Variants in FER1L6 observed in about 807,000 individuals in gnomAD.
The protein encoded by FER1L6 is fer-1 like family member 6, also known as fer-1-like protein 6.
Under a neutral mutation model 219.2 loss-of-function variants are expected in FER1L6, and 177 were observed. The observed-to-expected ratio is 0.81, with a 90% CI of 0.71 to 0.91. The LOEUF (loss-of-function observed/expected upper bound fraction) is 0.91, where lower values mean the gene tolerates loss of function less well. FER1L6 is among the 40% of genes least tolerant of loss of function. FER1L6 has a pLI of 0.00. For synonymous variants in FER1L6, 768 were observed against 824.3 expected, an observed-to-expected ratio of 0.93 and a Z score of 1.17; for missense variants, 2,153 against 2,259.9, an observed-to-expected ratio of 0.95 and a Z score of 0.96.
At chr8:123,880,375 G>A (rs930816132) in intron 1 of FER1L6, among the ~76,000 whole-genome samples, 6 of 152,108 alleles carry the variant, frequency 3.9e-5, no homozygotes, top group Middle Eastern at 3.2e-3. Flanking sequence ...TATGTCCTCC[G>A]TCCACAGCAG....
intron 1 of FER1L6, among the ~76,000 whole-genome samples, chr8:123,935,233 T>C (rs932644865): frequency 3.9e-5 from 6 of 152,312 alleles, no homozygotes; most frequent in African/African-American, 1.4e-4. Context: ...TTATGGATTA[T>C]CTATTTAACA....
intron 13 of FER1L6, among the ~76,000 whole-genome samples, chr8:124,004,755 T>C (rs1817583318): frequency 6.6e-6 from 1 of 152,050 alleles, no homozygotes; most frequent in South Asian, 2.1e-4. Context: ...TCCCAGCACT[T>C]TGGGAGGCCG....
chr8:124,078,253 T>C (rs796159248), intron 32 of FER1L6, among the ~76,000 whole-genome samples: 8 of 152,186 alleles, frequency 5.3e-5, no homozygotes, highest in African/African-American at 1.9e-4. Context: ...GTCAGTGGGA[T>C]TTAATGGGGC....
At chr8:124,069,530 A>ACAGAACCTCATTGCT in intron 29 of FER1L6, 55 bp downstream of exon 29, 1 of 1,283,082 alleles carries the variant, frequency 7.8e-7, no homozygotes, top group Non-Finnish European at 1.1e-6. Flanking sequence ...CTCAGCAATG[A>ACAGAACCTCATTGCT]GGTTCTGTCA....
intron 3 of FER1L6, among the ~76,000 whole-genome samples, chr8:123,965,767 A>T (rs1267693131): frequency 6.6e-6 from 1 of 152,202 alleles, no homozygotes; most frequent in African/African-American, 2.4e-5. Flanking sequence ...AAACCTTTAT[A>T]TGCACTATAT....
intron 1 of FER1L6, among the ~76,000 whole-genome samples, chr8:123,905,300 C>T (rs147343222): frequency 9.9e-4 from 150 of 152,192 alleles, no homozygotes; most frequent in African/African-American, 3.4e-3. Context: ...TCTCATTGTT[C>T]GGCTCCCAGT....
At chr8:123,876,381 T>C (rs144235865) in intron 1 of FER1L6, among the ~76,000 whole-genome samples, 1 of 152,096 alleles carries the variant, frequency 6.6e-6, no homozygotes, top group South Asian at 2.1e-4. Flanking sequence ...TGCAGTGGCA[T>C]GATCACAGCT....
chr8:123,857,265 T>C (rs1003269208), intron 1 of FER1L6, among the ~76,000 whole-genome samples: 1 of 152,198 alleles, frequency 6.6e-6, no homozygotes, highest in Non-Finnish European at 1.5e-5. Flanking sequence ...ATCTCAGCAC[T>C]TTGGGAGGCC....
intron 1 of FER1L6, among the ~76,000 whole-genome samples, chr8:123,946,234 G>T (rs1456031448): frequency 6.6e-6 from 1 of 152,160 alleles, no homozygotes; most frequent in Non-Finnish European, 1.5e-5. Flanking sequence ...TCTGTTTAAT[G>T]AACAGGTTAG....
chr8:123,891,835 C>T (rs1192744941), intron 1 of FER1L6, among the ~76,000 whole-genome samples: 1 of 152,188 alleles, frequency 6.6e-6, no homozygotes, highest in Non-Finnish European at 1.5e-5. Flanking sequence ...CCAGAAATTA[C>T]AACCATTCAG....
intron 5 of FER1L6, among the ~76,000 whole-genome samples, chr8:123,967,102 T>A (rs1815577513): frequency 6.8e-6 from 1 of 147,076 alleles, no homozygotes; most frequent in South Asian, 2.1e-4. Context: ...AAAAAAAAAA[T>A]TACTTGGTGA....
chr8:123,888,241 C>T lies in FER1L6; in HGVS notation c.-8+36056C>T, dbSNP rs555043714. On this transcript the variant is annotated intron_variant, in intron 1 of 40. Coordinates refer to ENST00000522917, the MANE Select transcript of FER1L6 (RefSeq NM_001039112.2). Reference sequence around the variant, plus strand: ...AAGAAATTCTCATGCCTTAGCCTCCCGAGTAGCTGGGACTACAGGTGCATA... The same window carrying T: ...AAGAAATTCTCATGCCTTAGCCTCCTGAGTAGCTGGGACTACAGGTGCATA... 2.8e-4 allele frequency among the ~76,000 whole-genome samples: 43 copies of T among 152,100 alleles called. 1 individual carries two copies. Among genetic ancestry groups the T allele is most frequent in the South Asian group, 1.5e-3 (7 of 4,804 alleles).
chr8:123,974,684 A>AAATGTG (rs1815982232), intron 7 of FER1L6, among the ~76,000 whole-genome samples: 1 of 148,014 alleles, frequency 6.8e-6, no homozygotes, highest in African/African-American at 2.5e-5. Flanking sequence ...AAAAAAAAAG[A>AAATGTG]AATGTGAAGC....
chr8:123,866,081 GC>G (rs1238306541), intron 1 of FER1L6, among the ~76,000 whole-genome samples: 1 of 151,774 alleles, frequency 6.6e-6, no homozygotes, highest in African/African-American at 2.4e-5. Flanking sequence ...TGTGAATAAT[GC>G]CGCAATAAAC....
intron 1 of FER1L6, among the ~76,000 whole-genome samples, chr8:123,867,481 G>A (rs1380029702): frequency 6.6e-6 from 1 of 152,178 alleles, no homozygotes; most frequent in African/African-American, 2.4e-5. Flanking sequence ...GTAATAGCGA[G>A]TAAGAATGCT....
intron 1 of FER1L6, among the ~76,000 whole-genome samples, chr8:123,899,115 C>T (rs977125060): frequency 5.3e-5 from 8 of 152,148 alleles, no homozygotes; most frequent in African/African-American, 1.7e-4. Context: ...AGTTTACATT[C>T]CCACCAGAAG....
chr8:124,094,299 A>C (rs896270264), intron 34 of FER1L6, among the ~76,000 whole-genome samples: 1 of 152,020 alleles, frequency 6.6e-6, no homozygotes, highest in African/African-American at 2.4e-5. Flanking sequence ...TGATCTGTAG[A>C]TCTTTAGGAG....
intron 1 of FER1L6, among the ~76,000 whole-genome samples, chr8:123,926,733 T>C (rs370010105): frequency 1.4e-4 from 22 of 152,238 alleles, no homozygotes; most frequent in African/African-American, 5.1e-4. Flanking sequence ...GGAAGTTTTC[T>C]CTCAGTGTGG....
At chr8:123,976,961 G>C (rs1379977388) in intron 9 of FER1L6, among the ~76,000 whole-genome samples, 1 of 152,216 alleles carries the variant, frequency 6.6e-6, no homozygotes, top group Non-Finnish European at 1.5e-5. Flanking sequence ...GAACTACCCT[G>C]ATTGTGTCCC....
Sources: gnomAD v4.1 joint callset for allele counts (sites outside exome capture counted in the v4.1 genomes callset) on GRCh38, gnomAD v4.1.1 for gene constraint, MANE v1.5 for transcripts, NCBI Gene and HGNC (gene_info 2026-07-23, HGNC 2026-07-21) for gene names.